Variants in ATAD2 observed in about 807,000 individuals in gnomAD.
ATAD2 encodes ATPase family AAA domain-containing protein 2.
Under a neutral mutation model 168.9 loss-of-function variants are expected in ATAD2, and 62 were observed. The observed-to-expected ratio is 0.37, with a 90% confidence interval of 0.30 to 0.45. The LOEUF (loss-of-function observed/expected upper bound fraction) is 0.45, where lower values mean the gene tolerates loss of function less well. ATAD2 is among the 20% of genes least tolerant of loss of function. ATAD2 has a pLI of 1.00. For missense variants in ATAD2, 1,419 were observed against 1,667.8 expected (o/e 0.85, Z 2.60); for synonymous variants, 613 against 571.6 (o/e 1.07, Z -1.03).
chr8:123,350,756 G>C (rs184986803), intron 13 of ATAD2, among the ~76,000 whole-genome samples: 6 of 150,830 alleles, frequency 4.0e-5, no homozygotes, highest in African/African-American at 1.5e-4. Flanking sequence ...ACAGAGTCTC[G>C]CTCTGTCTCC....
In ATAD2 at chr8:123,371,292, G is replaced by T; in HGVS notation, c.583C>A (p.Arg195Ser). 6.2e-7 allele frequency: 1 copy of T among 1,609,280 alleles called. No homozygotes were observed. Among genetic ancestry groups the T allele is most frequent in the Non-Finnish European group, 8.5e-7 (1 of 1,178,202 alleles). Reference protein sequence around the residue: ...LQKMDDMKKMRRQRMRELEDL... With the variant: ...LQKMDDMKKMSRQRMRELEDL... ...TCAAGTTCTCTCATTCGCTGTCTAC[G>T]CATCTTCTTCATGTCATCCATTTTT... The change falls in exon 5 of 28, where the codon CGT becomes AGT. Residue 195 changes from arginine to serine, a missense_variant. Arg to Ser is a moderately radical substitution (Grantham distance 110). Coordinates refer to ENST00000287394, the MANE Select transcript of ATAD2 (RefSeq NM_014109.4).
Position 123,402,854 on chromosome 8 carries a change from C to T in ATAD2, c.-2281-1679G>A, listed in dbSNP as rs1430224802. ...ATAATAATAATAATAAAAATCAACA[C>T]ACTACACACAGCTTCAGGTGCCTCC... On this transcript the variant is annotated intron_variant, in intron 1 of 28. Transcript: ENST00000521903. This position sits in a 1 kb window ranked among gnomAD's most constrained non-coding sequence, Gnocchi z 4.8. Among the ~76,000 whole-genome samples, 1 of 149,228 alleles carries T rather than the reference C, an allele frequency of 6.7e-6. No homozygotes were observed. The highest frequency in any genetic ancestry group is 1.5e-5 in the Non-Finnish European group (1 of 66,734).
intron 2 of ATAD2, among the ~76,000 whole-genome samples, chr8:123,380,115 G>A (rs1175275890): frequency 6.6e-6 from 1 of 151,660 alleles, no homozygotes; most frequent in Non-Finnish European, 1.5e-5. Flanking sequence ...GCAGTGGCGC[G>A]ATCTCAGCTC....
At position 123,357,666 on chromosome 8, in the gene ATAD2, T is replaced by C; in HGVS notation, c.1453A>G (p.Ser485Gly). Residue 485 changes from serine (S) to glycine (G), a missense_variant, in exon 12 of 28, where the codon AGT becomes GGT. Coordinates refer to ENST00000287394, the MANE Select transcript of ATAD2 (RefSeq NM_014109.4). ...AATGCTACTCTTTTATCCCCTTGACTGCACTCATTGGCAAGTGCTCTGGCA... is the reference window on the plus strand; with the variant it reads ...AATGCTACTCTTTTATCCCCTTGACCGCACTCATTGGCAAGTGCTCTGGCA... ...LVARALANEC[S>G]QGDKRVAFFM... 1 of 1,614,036 alleles carries C rather than the reference T, an allele frequency of 6.2e-7. No homozygotes were observed. The highest frequency in any genetic ancestry group is 1.1e-5 in the South Asian group (1 of 91,062).
chr8:123,345,890 T>A (rs945557284), intron 18 of ATAD2, among the ~76,000 whole-genome samples, 196 bp downstream of exon 18: 1 of 152,186 alleles, frequency 6.6e-6, no homozygotes, highest in Non-Finnish European at 1.5e-5. Context: ...TTTACTAAGG[T>A]CACAAAGATA....
At chr8:123,336,320 G>A in intron 22 of ATAD2, 53 bp downstream of exon 22, 2 of 1,483,028 alleles carry the variant, frequency 1.3e-6, no homozygotes, top group Non-Finnish European at 1.8e-6. Flanking sequence ...TCAACCCTAA[G>A]TGTTAGCTGC....
At chr8:123,408,438 A>G (rs1170531038) in intron 1 of ATAD2, among the ~76,000 whole-genome samples, 1 of 152,220 alleles carries the variant, frequency 6.6e-6, no homozygotes, top group Admixed American at 6.5e-5. Context: ...GATGCGGGGC[A>G]GAGATTATTC....
intron 13 of ATAD2, among the ~76,000 whole-genome samples, chr8:123,354,783 A>T (rs1828578421): frequency 7.3e-6 from 1 of 137,568 alleles, no homozygotes; most frequent in African/African-American, 2.7e-5. Context: ...GGTTGCAGTG[A>T]GCCAAGATCA....
At chr8:123,383,304 C>G (rs184724783) in intron 1 of ATAD2, among the ~76,000 whole-genome samples, 254 of 152,106 alleles carry the variant, frequency 1.7e-3, no homozygotes, top group African/African-American at 5.6e-3. Flanking sequence ...TGTAACAAAC[C>G]TGCACATTCT....
intron 2 of ATAD2, among the ~76,000 whole-genome samples, chr8:123,377,009 T>C (rs77954644): frequency 0.32 from 46,820 of 146,298 alleles, 7,940 homozygotes; most frequent in East Asian, 0.51. Flanking sequence ...GAGAATCACT[T>C]GAAGCCAGGG....
chr8:123,362,087 C>T (rs912148952), intron 8 of ATAD2, among the ~76,000 whole-genome samples: 2 of 152,088 alleles, frequency 1.3e-5, no homozygotes, highest in African/African-American at 2.4e-5. Flanking sequence ...ATTGTCTCCA[C>T]TAAAAATCAT....
Position 123,369,912 on chromosome 8 carries a change from ATCATCT to A in ATAD2, c.834_839del (p.Glu278_Asp279del), listed in dbSNP as rs373904648. On this transcript the variant is annotated inframe_deletion, in exon 7 of 28. Coordinates refer to ENST00000287394, the MANE Select transcript of ATAD2 (RefSeq NM_014109.4). ...CTTCTTCTCCATCTTCTTCATCTTC[ATCATCT>A]TCATCATCATCATCATCATCATCAT... 1.5e-5 allele frequency: 24 copies of A among 1,584,346 alleles called. No homozygotes were observed. In the African/African-American group the frequency reaches 2.8e-4, roughly 18 times the overall value.
chr8:123,399,710 T>C (rs9942839), upstream of ATAD2, among the ~76,000 whole-genome samples: 142,655 of 152,002 alleles, frequency 0.94, 67,001 homozygotes, highest in East Asian at 1. Context: ...CAAAATTAGC[T>C]GGGCATGGTG....
In ATAD2 at chr8:123,319,980, G is replaced by C. The variant is rs891437518; in HGVS notation, c.*1154C>G. On this transcript the variant is annotated 3_prime_UTR_variant, in exon 28 of 28. Coordinates refer to ENST00000287394, the MANE Select transcript of ATAD2 (RefSeq NM_014109.4). The stretch of plus-strand genomic sequence containing the variant: ...CAAAAATGAGAATGTGTATCTCCAG[G>C]AATATAAATATATTTAAATGTTCTC... 1 of 152,046 alleles carries C rather than the reference G, an allele frequency of 6.6e-6. No homozygotes were observed. The highest frequency in any genetic ancestry group is 1.9e-4 in the East Asian group (1 of 5,176). The allele number at this position is 152,046 out of a possible 1,614,324, so 9.4% of individuals were successfully genotyped here.
intron 1 of ATAD2, among the ~76,000 whole-genome samples, chr8:123,390,246 G>A (rs575881637): frequency 1.3e-5 from 2 of 151,978 alleles, no homozygotes; most frequent in South Asian, 2.1e-4. Context: ...CCCAAACAAA[G>A]TGCTAGGATT....
chr8:123,409,015 A>G (rs4871363), intron 1 of ATAD2, among the ~76,000 whole-genome samples: 45,488 of 151,446 alleles, frequency 0.3, 7,344 homozygotes, highest in South Asian at 0.46. Flanking sequence ...TTTAGTAGAG[A>G]CGGGGTTTTG....
At position 123,347,201 on chromosome 8, in the gene ATAD2, C is replaced by G. The variant is rs1443325559; in HGVS notation, c.2103G>C (p.Leu701=). 1 of 1,614,168 alleles carries G rather than the reference C, an allele frequency of 6.2e-7. No homozygotes were observed. The highest frequency in any genetic ancestry group is 8.5e-7 in the Non-Finnish European group (1 of 1,180,028). ...GCAGGAGTGGTTTCACAACGGTGGACAGTGCCTGCCCAGGTGATGTCACAG... is the reference window on the plus strand; with the variant it reads ...GCAGGAGTGGTTTCACAACGGTGGAGAGTGCCTGCCCAGGTGATGTCACAG... ...QRAVTSPGQA[L]STVVKPLLQN... is the part of the protein sequence containing the mutation. The change falls in exon 16 of 28, where the codon CTG becomes CTC. Residue 701 remains leucine (L), a synonymous_variant. Transcript: ENST00000287394.
chr8:123,337,487 GAC>G, intron 21 of ATAD2, 136 bp downstream of exon 21: 1 of 742,996 alleles, frequency 1.3e-6, no homozygotes, highest in Non-Finnish European at 2.0e-6. Flanking sequence ...ATGTGCTTAG[GAC>G]ACTAACCCGG....
At chr8:123,334,934 TG>T (rs1827874519) in intron 22 of ATAD2, among the ~76,000 whole-genome samples, 2 of 152,204 alleles carry the variant, frequency 1.3e-5, no homozygotes, top group African/African-American at 4.8e-5. Context: ...CGCAGAATGC[TG>T]AAGTGGGCTT....
Sources: allele counts gnomAD v4.1 joint callset (sites outside exome capture counted in the v4.1 genomes callset), GRCh38; gene constraint gnomAD v4.1.1; non-coding constraint Gnocchi (gnomAD v3.1); transcripts MANE v1.5; gene names NCBI Gene and HGNC (gene_info 2026-07-23, HGNC 2026-07-21).